Variants in PSMA2 observed in about 807,000 individuals in gnomAD.
The protein encoded by PSMA2 is proteasome 20S subunit alpha 2.
Under a neutral mutation model 35.9 loss-of-function variants are expected in PSMA2, and 2 were observed. The observed-to-expected ratio is 0.06, with a 90% confidence interval of 0.02 to 0.18. The LOEUF (loss-of-function observed/expected upper bound fraction) is 0.18. Ranked by LOEUF, PSMA2 falls within the 10% of genes least tolerant of loss-of-function variation. The pLI is 1.00. For missense variants in PSMA2, 126 were observed against 278.8 expected (o/e 0.45, Z 3.90); for synonymous variants, 97 against 98.2 (o/e 0.99, Z 0.07).
chr7:42,928,801 T>C (rs377668075), intron 1 of PSMA2, among the ~76,000 whole-genome samples: 27 of 152,268 alleles, frequency 1.8e-4, no homozygotes, highest in East Asian at 5.8e-4. Context: ...AAACGCCTCA[T>C]TGACAAGCTA....
chr7:42,921,407 C>A, intron 6 of PSMA2: 1 of 152,530 alleles, frequency 6.6e-6, no homozygotes, highest in Non-Finnish European at 1.5e-5. Flanking sequence ...TTACATAGTG[C>A]TCCACTTTTT....
At chr7:42,927,919 AG>A in intron 1 of PSMA2, among the ~76,000 whole-genome samples, 1 of 150,418 alleles carries the variant, frequency 6.6e-6, no homozygotes, top group East Asian at 1.9e-4. Context: ...AAAAAAAAAG[AG>A]AAAGACAGAA....
intron 1 of PSMA2, among the ~76,000 whole-genome samples, 166 bp from the exon 2 acceptor site, chr7:42,927,625 G>C (rs888536413): frequency 3.3e-5 from 5 of 152,210 alleles, no homozygotes; most frequent in African/African-American, 1.2e-4. Context: ...CAAGTTTACA[G>C]CTGGGCGCAA....
intron 6 of PSMA2, chr7:42,919,908 CTG>C (rs1179537692): frequency 9.3e-6 from 7 of 755,324 alleles, no homozygotes; most frequent in African/African-American, 3.4e-5. Context: ...AGATGGAACA[CTG>C]AGACTGGCAA....
At chr7:42,921,619 T>C (rs1354883056) in intron 6 of PSMA2, 1 of 346,468 alleles carries the variant, frequency 2.9e-6, no homozygotes, top group African/African-American at 2.1e-5. Flanking sequence ...ACCAAAAGCA[T>C]TTAGGAAACC....
intron 4 of PSMA2, among the ~76,000 whole-genome samples, chr7:42,924,414 A>G (rs746849624): frequency 4.6e-5 from 7 of 151,922 alleles, no homozygotes; most frequent in Non-Finnish European, 1.0e-4. Flanking sequence ...GTCTGTCCAT[A>G]AAGTGTTTTA....
chr7:42,922,252 T>TA (rs1047972412), intron 5 of PSMA2, among the ~76,000 whole-genome samples: 9 of 152,080 alleles, frequency 5.9e-5, no homozygotes, highest in African/African-American at 2.2e-4. Flanking sequence ...TAAAATTATG[T>TA]AAAAAATCCA....
chr7:42,926,395 G>A (rs1786217799), intron 3 of PSMA2, 141 bp downstream of exon 3: 11 of 953,738 alleles, frequency 1.2e-5, no homozygotes, highest in South Asian at 6.4e-5. Context: ...AGCTCTCAAC[G>A]AGGCTGCTAT....
chr7:42,917,455 A>G lies in PSMA2; in HGVS notation c.*119T>C, dbSNP rs1470230302. 2.7e-6 allele frequency: 2 copies of G among 744,152 alleles called. No individual in the cohort carries two copies. Among genetic ancestry groups the G allele is most frequent in the Non-Finnish European group, 4.4e-6 (2 of 452,712 alleles). 46.1% of individuals were successfully genotyped at this position (744,152 alleles called of 1,614,324 possible). ...AGGATTTATAAGTGTCATTTTAAAAACAGTCGATTTAAACCATGTAGAAAT... is the reference window on the plus strand; with the variant it reads ...AGGATTTATAAGTGTCATTTTAAAAGCAGTCGATTTAAACCATGTAGAAAT... On this transcript the variant is annotated 3_prime_UTR_variant, in exon 8 of 8. Transcript: ENST00000223321.
At chr7:42,926,493 A>G (rs1786219044) in intron 3 of PSMA2, 43 bp downstream of exon 3, 2 of 1,500,198 alleles carry the variant, frequency 1.3e-6, no homozygotes, top group Non-Finnish European at 1.8e-6. Context: ...GATTACAATC[A>G]ATTCATGAGA....
Position 42,932,105 on chromosome 7 carries a change from G to A in PSMA2, c.41+13C>T. The A allele has an allele frequency of 1.2e-6, 2 of 1,614,052 alleles. No individual in the cohort carries two copies. Among genetic ancestry groups the A allele is most frequent in the Non-Finnish European group, 1.7e-6 (2 of 1,180,036 alleles). ...CTCGACTACGCTGAAGACCTCGAGGGCCCCTTCCATACCTGAATGTAGTCA... is the reference window on the plus strand; with the variant it reads ...CTCGACTACGCTGAAGACCTCGAGGACCCCTTCCATACCTGAATGTAGTCA... On this transcript the variant is annotated intron_variant, in intron 1 of 7. Coordinates refer to ENST00000223321, the MANE Select transcript of PSMA2 (RefSeq NM_002787.5).
At chr7:42,919,217 G>T (rs1786086069) in intron 6 of PSMA2, 1 of 611,216 alleles carries the variant, frequency 1.6e-6, no homozygotes, top group Non-Finnish European at 3.2e-6. Context: ...ACAATTTTGG[G>T]TCATAAAGAT....
chr7:42,923,513 T>TA, intron 4 of PSMA2, 107 bp from the exon 5 acceptor site: 1 of 788,602 alleles, frequency 1.3e-6, no homozygotes, highest in South Asian at 1.6e-5. Flanking sequence ...CAAACTGAAT[T>TA]AGACTTTTAA....
chr7:42,930,424 T>A (rs912507127), intron 1 of PSMA2, among the ~76,000 whole-genome samples: 8 of 152,128 alleles, frequency 5.3e-5, no homozygotes, highest in East Asian at 3.9e-4. Flanking sequence ...GCTAATTTTT[T>A]AATTTTTTTC....
At chr7:42,917,899 A>G (rs1786058722) in intron 6 of PSMA2, 64 bp from the exon 7 acceptor site, 13 of 1,165,724 alleles carry the variant, frequency 1.1e-5, no homozygotes, top group African/African-American at 1.6e-5. Flanking sequence ...TTTAAATACA[A>G]TGACAGCAAC....
At chr7:42,930,248 C>T (rs1786280629) in intron 1 of PSMA2, among the ~76,000 whole-genome samples, 1 of 129,728 alleles carries the variant, frequency 7.7e-6, no homozygotes, top group Non-Finnish European at 1.7e-5. Flanking sequence ...CACACACACA[C>T]AAGTTTGGTT....
rs754395581 is a variant in PSMA2, at chr7:42,924,694, G to A, written c.355C>T (p.Gln119Ter). The A allele has an allele frequency of 6.2e-7, 1 of 1,612,342 alleles. No homozygotes were observed. ...QLVQRVASVM[Q>*]EYTQSGGVRP... is the part of the protein sequence containing the mutation. ...ACTTACCCTGACTGAGTATATTCTT[G>A]CATCACAGAAGCTACTCTCTGTACC... Residue 119 changes from glutamine to a stop codon, truncating the protein, a stop_gained, in exon 4 of 8, where the codon CAA becomes TAA. Transcript: ENST00000223321. LOFTEE classifies it high-confidence loss of function.
At chr7:42,929,457 C>T (rs1786262262) in intron 1 of PSMA2, among the ~76,000 whole-genome samples, 1 of 152,158 alleles carries the variant, frequency 6.6e-6, no homozygotes, top group Non-Finnish European at 1.5e-5. Flanking sequence ...CCTGTACATA[C>T]CTATCTTTAC....
At chr7:42,931,057 GA>G in intron 1 of PSMA2, 17 of 341,938 alleles carry the variant, frequency 5.0e-5, no homozygotes, top group Non-Finnish European at 7.0e-5. Flanking sequence ...TTTGTTATCA[GA>G]AAAAAAACCC....
Sources: allele counts gnomAD v4.1 joint callset (sites outside exome capture counted in the v4.1 genomes callset), GRCh38; gene constraint gnomAD v4.1.1; transcripts MANE v1.5; gene names NCBI Gene and HGNC (gene_info 2026-07-23, HGNC 2026-07-21).